Variants in NKAIN3 observed in about 807,000 individuals in gnomAD.
NKAIN3 encodes the protein sodium/potassium transporting ATPase interacting 3.
NKAIN3 carries 25 observed loss-of-function variants against 30.2 expected under a neutral mutation model. That is an observed-to-expected ratio of 0.83 (90% CI 0.60 to 1.16). The LOEUF (loss-of-function observed/expected upper bound fraction) is 1.16, where lower values mean the gene tolerates loss of function less well. Ranked by LOEUF, NKAIN3 falls within the 50% of genes most tolerant of loss-of-function variation. The pLI is 0.00. For missense variants in NKAIN3, 225 were observed against 254.1 expected (o/e 0.89, Z 0.78); for synonymous variants, 91 against 89.6 (o/e 1.02, Z -0.09).
At chr8:62,950,782 T>C (rs950359788) in intron 5 of NKAIN3, among the ~76,000 whole-genome samples, 3 of 133,108 alleles carry the variant, frequency 2.3e-5, no homozygotes, top group Non-Finnish European at 5.0e-5. Context: ...GCCCTGGCAC[T>C]TTATCTGGTT....
At chr8:62,493,347 T>G (rs909014854) in intron 1 of NKAIN3, among the ~76,000 whole-genome samples, 6 of 152,118 alleles carry the variant, frequency 3.9e-5, no homozygotes, top group African/African-American at 1.4e-4. Flanking sequence ...TGTTTGGCCT[T>G]ATATTTGGGC....
chr8:62,349,225 G>T (rs758184960), intron 1 of NKAIN3, among the ~76,000 whole-genome samples: 1 of 152,106 alleles, frequency 6.6e-6, no homozygotes, highest in Non-Finnish European at 1.5e-5. Flanking sequence ...GGAGGGTCCA[G>T]GTGTTTTCAT....
intron 4 of NKAIN3, among the ~76,000 whole-genome samples, chr8:62,909,317 G>T (rs992310620): frequency 2.0e-5 from 3 of 152,170 alleles, no homozygotes; most frequent in Non-Finnish European, 4.4e-5. Flanking sequence ...TATCAAAGAA[G>T]ATGGAATGTA....
intron 4 of NKAIN3, chr8:62,863,341 T>A: frequency 6.5e-7 from 1 of 1,547,582 alleles, no homozygotes; most frequent in Non-Finnish European, 8.8e-7. Flanking sequence ...TTTCTGCCCC[T>A]CAGTGGTCTC....
intron 1 of NKAIN3, among the ~76,000 whole-genome samples, chr8:62,318,441 GATA>G (rs1814739458): frequency 6.6e-6 from 1 of 152,134 alleles, no homozygotes; most frequent in Non-Finnish European, 1.5e-5. Context: ...GTTTGTCATA[GATA>G]CCTCTTATTA....
At chr8:62,418,896 G>T (rs969067880) in intron 1 of NKAIN3, among the ~76,000 whole-genome samples, 40 of 152,146 alleles carry the variant, frequency 2.6e-4, no homozygotes, top group African/African-American at 8.9e-4. Context: ...AACCAGGGAA[G>T]GTTGTAGCTT....
chr8:62,546,540 C>A (rs73683329), intron 1 of NKAIN3, among the ~76,000 whole-genome samples: 6,693 of 152,164 alleles, frequency 0.044, 489 homozygotes, highest in African/African-American at 0.15. Context: ...CCAGTTATAG[C>A]AGTAATTACT....
At chr8:62,953,363 T>G (rs1198395337) in intron 5 of NKAIN3, among the ~76,000 whole-genome samples, 1 of 152,076 alleles carries the variant, frequency 6.6e-6, no homozygotes, top group East Asian at 1.9e-4. Flanking sequence ...ATTACAAAAA[T>G]GAGAAGTCTA....
chr8:62,430,347 A>AT (rs1804952588), intron 1 of NKAIN3, among the ~76,000 whole-genome samples: 1 of 145,910 alleles, frequency 6.9e-6, no homozygotes, highest in African/African-American at 2.6e-5. Flanking sequence ...ACTCTCTGAG[A>AT]TACATACATA....
intron 4 of NKAIN3, among the ~76,000 whole-genome samples, chr8:62,804,988 T>G (rs200200813): frequency 5.3e-5 from 8 of 152,190 alleles, no homozygotes; most frequent in East Asian, 1.9e-4. Flanking sequence ...AAAATCACAA[T>G]CATTCTTATA....
rs113982852 is a variant in NKAIN3, at chr8:62,377,978, T to A, written c.54+128851T>A. On this transcript the variant is annotated intron_variant, in intron 1 of 6. Coordinates refer to ENST00000623646, the MANE Select transcript of NKAIN3 (RefSeq NM_001304533.3). ...ATGTGGAAGTGACTTTGGAACTGAG[T>A]AACAGGCAGAGGTTGAAACAGTTTA... is the stretch of plus-strand genomic sequence containing the variant. Among the ~76,000 whole-genome samples, 348 of 152,264 alleles carry A rather than the reference T, an allele frequency of 2.3e-3. 3 individuals are homozygous for A. The highest frequency in any genetic ancestry group is 7.4e-3 in the African/African-American group (307 of 41,554).
intron 1 of NKAIN3, among the ~76,000 whole-genome samples, chr8:62,529,175 C>T (rs1400012052): frequency 2.0e-5 from 3 of 152,108 alleles, no homozygotes; most frequent in East Asian, 3.9e-4. Flanking sequence ...TGTTTATCTG[C>T]TACTCAAGAA....
At chr8:62,451,242 CTCTCT>C (rs1032239684) in intron 1 of NKAIN3, among the ~76,000 whole-genome samples, 16 of 151,334 alleles carry the variant, frequency 1.1e-4, no homozygotes, top group South Asian at 2.1e-4. Flanking sequence ...CTTCTCTTCT[CTCTCT>C]TCTCTTCTCT....
intron 1 of NKAIN3, among the ~76,000 whole-genome samples, chr8:62,421,175 C>T (rs749842467): frequency 1.3e-5 from 2 of 152,142 alleles, no homozygotes; most frequent in African/African-American, 4.8e-5. Flanking sequence ...TTCCTCCCAG[C>T]TACTTGGCCC....
At chr8:62,985,342 A>G (rs1342716546), downstream of NKAIN3, among the ~76,000 whole-genome samples, 1 of 152,248 alleles carries the variant, frequency 6.6e-6, no homozygotes, top group African/African-American at 2.4e-5. Context: ...AATATACTCC[A>G]GAAAAGAAAA....
At chr8:62,545,690 C>T (rs1563450467) in intron 1 of NKAIN3, among the ~76,000 whole-genome samples, 1 of 152,156 alleles carries the variant, frequency 6.6e-6, no homozygotes, top group Non-Finnish European at 1.5e-5. Flanking sequence ...TAAAAACTCT[C>T]CAATTGACAG....
At chr8:62,698,532 G>A (rs1814234912) in intron 3 of NKAIN3, among the ~76,000 whole-genome samples, 1 of 152,128 alleles carries the variant, frequency 6.6e-6, no homozygotes, top group Admixed American at 6.5e-5. Flanking sequence ...GTCACCTTAA[G>A]ATCATGTTTT....
chr8:62,938,342 G>A (rs1365815023), intron 5 of NKAIN3, among the ~76,000 whole-genome samples: 2 of 152,064 alleles, frequency 1.3e-5, no homozygotes, highest in African/African-American at 4.8e-5. Flanking sequence ...CCCCAAGAAA[G>A]GAGAAAACAA....
At chr8:62,803,276 T>C (rs181590196) in intron 4 of NKAIN3, among the ~76,000 whole-genome samples, 1,764 of 152,268 alleles carry the variant, frequency 0.012, 36 homozygotes, top group African/African-American at 0.041. Flanking sequence ...AATAGACATC[T>C]ACAGAACTCT....
Sources: gnomAD v4.1 joint callset for allele counts (sites outside exome capture counted in the v4.1 genomes callset) on GRCh38, gnomAD v4.1.1 for gene constraint, MANE v1.5 for transcripts, NCBI Gene and HGNC (gene_info 2026-07-23, HGNC 2026-07-21) for gene names.